Variants in LPIN2 observed in about 807,000 individuals in gnomAD.
The protein encoded by LPIN2 is lipin 2.
LPIN2 carries 55 observed loss-of-function variants against 111.4 expected under a neutral mutation model. The observed-to-expected ratio is 0.49, with a 90% CI of 0.40 to 0.62. The LOEUF (loss-of-function observed/expected upper bound fraction) is 0.62, where lower values mean the gene tolerates loss of function less well. Among genes scored for constraint, LPIN2 ranks in the 20% least tolerant of loss-of-function variants. LPIN2 has a pLI of 0.00. For missense variants in LPIN2, 992 were observed against 1,112.1 expected (o/e 0.89, Z 1.54); for synonymous variants, 425 against 414.0 (o/e 1.03, Z -0.32).
chr18:2,922,580 ACTTTT>A (rs758873091), intron 16 of LPIN2, among the ~76,000 whole-genome samples: 18 of 152,294 alleles, frequency 1.2e-4, no homozygotes, highest in African/African-American at 3.6e-4. Flanking sequence ...CTCAACCCAT[ACTTTT>A]CTTTTAAAAG....
intron 6 of LPIN2, 141 bp downstream of exon 6, chr18:2,939,339 A>G (rs2077337102): frequency 1.0e-6 from 1 of 981,378 alleles, no homozygotes; most frequent in Non-Finnish European, 1.6e-6. Flanking sequence ...TTAACTTTGA[A>G]TTTACTTTTA....
Position 2,946,981 on chromosome 18 carries a change from C to T in LPIN2, c.590+4074G>A, listed in dbSNP as rs999607363. On this transcript the variant is annotated intron_variant, in intron 4 of 19. Transcript: ENST00000677752. ...AAAGGCAGGGAGCATCTGTAAGATC[C>T]ATGTCACCCTGAGTGTCTACACTCA... The T allele has an allele frequency of 3.1e-5, 7 of 228,872 alleles. No homozygotes were observed. In the South Asian group the frequency reaches 4.0e-4, roughly 13 times the overall value. The allele number at this position is 228,872 out of a possible 1,614,324, so 14.2% of individuals were successfully genotyped here. A position where few individuals can be genotyped will look rare whatever the true frequency, so the allele number is the denominator to read the frequency against.
rs1341553897 is a variant in LPIN2 at position 2,927,823 on chromosome 18, C to G, written c.1621-12G>C. On this transcript the variant is annotated splice_polypyrimidine_tract_variant and intron_variant, in intron 11 of 19. Transcript: ENST00000677752. ...GACTCAACTGTGGCCTGAAAACAAC[C>G]AACCTGGGTTAGTCTGGGCAATCTA... The G allele has an allele frequency of 6.2e-7, 1 of 1,613,118 alleles. No homozygotes were observed. The highest frequency in any genetic ancestry group is 8.5e-7 in the Non-Finnish European group (1 of 1,179,172).
chr18:2,931,655 A>G (rs1229182707), intron 8 of LPIN2, among the ~76,000 whole-genome samples: 1 of 152,240 alleles, frequency 6.6e-6, no homozygotes, highest in Admixed American at 6.5e-5. Context: ...GTGAGAAATT[A>G]ACTGTGAATA....
intron 4 of LPIN2, among the ~76,000 whole-genome samples, chr18:2,944,494 G>A (rs1314774614): frequency 2.6e-5 from 4 of 151,672 alleles, no homozygotes; most frequent in Non-Finnish European, 5.9e-5. Context: ...TGGGACTACA[G>A]GCACCCACCA....
At chr18:3,007,765 T>C (rs1198010577) in intron 1 of LPIN2, among the ~76,000 whole-genome samples, 4 of 152,218 alleles carry the variant, frequency 2.6e-5, no homozygotes, top group Non-Finnish European at 5.9e-5. Context: ...TAATTCATAT[T>C]AACGATCTGA....
At chr18:2,986,155 A>G (rs1190095781) in intron 1 of LPIN2, among the ~76,000 whole-genome samples, 1 of 152,242 alleles carries the variant, frequency 6.6e-6, no homozygotes, top group Non-Finnish European at 1.5e-5. Context: ...GTTTATGAAA[A>G]CAACCCCAAA....
chr18:2,935,631 G>A (rs553302513), intron 7 of LPIN2, among the ~76,000 whole-genome samples: 115 of 152,318 alleles, frequency 7.5e-4, no homozygotes, highest in Non-Finnish European at 3.5e-4. Context: ...TACAATTAGG[G>A]AAATGTAAAC....
intron 16 of LPIN2, among the ~76,000 whole-genome samples, chr18:2,923,343 C>T (rs533749320): frequency 1.4e-5 from 2 of 142,894 alleles, no homozygotes; most frequent in South Asian, 4.5e-4. Flanking sequence ...TCACTTGAAC[C>T]CGGGAGGCGG....
rs199524846 is a variant in LPIN2, at chr18:2,954,481, G to A, written c.288+23C>T. On this transcript the variant is annotated intron_variant, in intron 3 of 19. Coordinates refer to ENST00000677752, the MANE Select transcript of LPIN2 (RefSeq NM_001375808.2). Reference sequence around the variant, plus strand: ...GAGGCCTGAGCACACTGTGTAAGGAGGGTGTAACCCATGCAAACTTACATA... The same window carrying A: ...GAGGCCTGAGCACACTGTGTAAGGAAGGTGTAACCCATGCAAACTTACATA... 2.2e-5 allele frequency: 34 copies of A among 1,549,682 alleles called. No individual in the cohort carries two copies. The East Asian group carries it at 6.3e-4, about 29-fold the overall frequency.
chr18:2,945,676 G>C (rs1467033202), intron 4 of LPIN2: 1 of 1,403,590 alleles, frequency 7.1e-7, no homozygotes, highest in East Asian at 2.3e-5. Context: ...TAATAACTTC[G>C]CTTTACATCA....
intron 1 of LPIN2, among the ~76,000 whole-genome samples, chr18:3,010,627 G>A (rs988873240): frequency 1.3e-5 from 2 of 152,164 alleles, no homozygotes; most frequent in African/African-American, 4.8e-5. Context: ...AAAAGAAATG[G>A]ATTTAAATTA....
At chr18:2,944,333 C>CTTTTTTTTT (rs768515839) in intron 4 of LPIN2, among the ~76,000 whole-genome samples, 2 of 51,350 alleles carry the variant, frequency 3.9e-5, no homozygotes, top group African/African-American at 6.6e-5. Flanking sequence ...TTTCCACAAA[C>CTTTTTTTTT]TTTTTTTTTT....
chr18:2,950,877 T>C (rs992358788), intron 4 of LPIN2, among the ~76,000 whole-genome samples, 178 bp downstream of exon 4: 3 of 152,212 alleles, frequency 2.0e-5, no homozygotes, highest in African/African-American at 7.2e-5. Context: ...GTAGCATATT[T>C]ATAGAATAGT....
chr18:2,939,885 G>C (rs2077344845), intron 5 of LPIN2, among the ~76,000 whole-genome samples: 1 of 152,194 alleles, frequency 6.6e-6, no homozygotes, highest in African/African-American at 2.4e-5. Context: ...CAATGAGAAA[G>C]AAGATAATTT....
At chr18:2,990,995 C>T in intron 1 of LPIN2, 1 of 569,332 alleles carries the variant, frequency 1.8e-6, no homozygotes, top group Non-Finnish European at 3.4e-6. Flanking sequence ...GGCCACATGC[C>T]AATGATGCCT....
intron 5 of LPIN2, among the ~76,000 whole-genome samples, chr18:2,940,394 C>T (rs1367045686): frequency 2.0e-5 from 3 of 152,152 alleles, no homozygotes; most frequent in Non-Finnish European, 4.4e-5. Flanking sequence ...TACAGATCTA[C>T]AACTGGCCAA....
At chr18:2,975,666 C>T (rs1044566000) in intron 1 of LPIN2, among the ~76,000 whole-genome samples, 1 of 152,120 alleles carries the variant, frequency 6.6e-6, no homozygotes, top group Non-Finnish European at 1.5e-5. Flanking sequence ...ACGTTATGAA[C>T]ATAAAAGTGT....
chr18:2,931,661 G>A (rs1480128207), intron 8 of LPIN2, among the ~76,000 whole-genome samples: 1 of 152,138 alleles, frequency 6.6e-6, no homozygotes, highest in African/African-American at 2.4e-5. Context: ...AATTAACTGT[G>A]AATATAGTAA....
Sources: allele counts gnomAD v4.1 joint callset (sites outside exome capture counted in the v4.1 genomes callset), GRCh38; gene constraint gnomAD v4.1.1; transcripts MANE v1.5; gene names NCBI Gene and HGNC (gene_info 2026-07-23, HGNC 2026-07-21).